The following LINGO2 variants were observed in gnomAD, a reference collection of about 807,000 sequenced individuals.
LINGO2 encodes leucine-rich repeat and immunoglobulin-like domain-containing nogo receptor-interacting protein 2.
A neutral mutation model predicts 30.6 loss-of-function variants in LINGO2; 14 were observed. The ratio of observed to expected loss-of-function variants is 0.46; its 90% CI spans 0.30 to 0.72. LINGO2 has a LOEUF of 0.72. LINGO2 is among the 30% of genes least tolerant of loss of function. The pLI is 0.07. For synonymous variants in LINGO2, 317 were observed against 288.5 expected (o/e 1.10, Z -1.00); for missense variants, 729 against 751.7 (o/e 0.97, Z 0.35).
chr9:28,776,946 A>G, the LINGO2 span, among the ~76,000 whole-genome samples: 1 of 151,396 alleles, frequency 6.6e-6, no homozygotes, highest in Non-Finnish European at 1.5e-5. Flanking sequence ...GGAGGTGATG[A>G]TTTCCCCTTG....
At chr9:28,980,545 G>A in the LINGO2 span, among the ~76,000 whole-genome samples, 7 of 151,926 alleles carry the variant, frequency 4.6e-5, no homozygotes, top group Admixed American at 1.3e-4. Context: ...CTCCATTTCA[G>A]CCACATCAGT....
At chr9:28,023,170 G>C (rs1220937570) in intron 4 of LINGO2, among the ~76,000 whole-genome samples, 1 of 152,038 alleles carries the variant, frequency 6.6e-6, no homozygotes, top group African/African-American at 2.4e-5. Context: ...GTCTGATTCT[G>C]ATGTTTGCAT....
At chr9:28,090,715 G>A (rs1826054575) in intron 4 of LINGO2, among the ~76,000 whole-genome samples, 1 of 152,018 alleles carries the variant, frequency 6.6e-6, no homozygotes, top group Non-Finnish European at 1.5e-5. Context: ...TTCTGGCCAG[G>A]GCAATTAGGG....
Position 28,329,835 on chromosome 9 carries a change from T to C in LINGO2, c.-245-34469A>G, listed in dbSNP as rs1825358260. 6.6e-6 allele frequency among the ~76,000 whole-genome samples: 1 copy of C among 152,210 alleles called. No homozygotes were observed. The highest frequency in any genetic ancestry group is 2.4e-5 in the African/African-American group (1 of 41,454). ...GGTTTTATATCACCTTGTGCATATC[T>C]CTATGAAAGCACCTCACCTGTGTAT... On this transcript the variant is annotated intron_variant, in intron 3 of 5. Coordinates refer to ENST00000379992, the Ensembl canonical transcript of LINGO2. This position sits in a 1 kb window ranked among gnomAD's most constrained non-coding sequence, Gnocchi z 4.5.
the LINGO2 span, among the ~76,000 whole-genome samples, chr9:28,682,332 G>T: frequency 0.051 from 7,793 of 152,176 alleles, 385 homozygotes; most frequent in Admixed American, 0.17. Context: ...GCATTCACTG[G>T]ACTGTGCCTG....
chr9:28,515,688 T>G (rs1164107731), intron 1 of LINGO2, among the ~76,000 whole-genome samples: 1 of 152,190 alleles, frequency 6.6e-6, no homozygotes, highest in African/African-American at 2.4e-5. Context: ...AGTGGTTTCT[T>G]TTTATGAAGT....
the LINGO2 span, among the ~76,000 whole-genome samples, chr9:28,957,324 T>C: frequency 5.8e-4 from 88 of 152,190 alleles, no homozygotes; most frequent in African/African-American, 2.0e-3. Context: ...CAATTCCCCA[T>C]GCAATGCAAT....
chr9:28,858,364 G>T, the LINGO2 span, among the ~76,000 whole-genome samples: 7 of 151,920 alleles, frequency 4.6e-5, no homozygotes, highest in Non-Finnish European at 8.8e-5. Context: ...CCATCACCCT[G>T]GAAGATTTTA....
the LINGO2 span, among the ~76,000 whole-genome samples, chr9:28,981,172 A>G: frequency 6.6e-6 from 1 of 152,050 alleles, no homozygotes; most frequent in Non-Finnish European, 1.5e-5. Context: ...GTGCTTTCAT[A>G]TGCATTGTTC....
At chr9:28,377,483 G>A (rs1354158708) in intron 2 of LINGO2, among the ~76,000 whole-genome samples, 1 of 152,132 alleles carries the variant, frequency 6.6e-6, no homozygotes, top group East Asian at 1.9e-4. Flanking sequence ...CCAGACAGCA[G>A]TAGGCTATTC....
At chr9:28,002,912 T>C (rs945708739) in intron 5 of LINGO2, among the ~76,000 whole-genome samples, 3 of 152,190 alleles carry the variant, frequency 2.0e-5, no homozygotes, top group Non-Finnish European at 1.5e-5. Context: ...CGTGTCAGTG[T>C]ATGTGTGAGT....
chr9:28,492,735 A>G (rs1289375659), intron 1 of LINGO2, among the ~76,000 whole-genome samples: 1 of 152,128 alleles, frequency 6.6e-6, no homozygotes, highest in Non-Finnish European at 1.5e-5. Flanking sequence ...AGGGACTACT[A>G]AACACTGCCA....
intron 4 of LINGO2, among the ~76,000 whole-genome samples, chr9:28,282,231 T>A (rs983745526): frequency 6.6e-6 from 1 of 152,098 alleles, no homozygotes; most frequent in Non-Finnish European, 1.5e-5. Context: ...TTGACTAGAA[T>A]GAGTTATGGG....
chr9:28,165,720 G>A (rs909757815), intron 4 of LINGO2, among the ~76,000 whole-genome samples: 6 of 151,980 alleles, frequency 3.9e-5, no homozygotes, highest in South Asian at 2.1e-4. Flanking sequence ...GCTTCCTTCC[G>A]CTCAATTATT....
the LINGO2 span, among the ~76,000 whole-genome samples, chr9:29,116,803 C>T: frequency 6.6e-6 from 1 of 152,256 alleles, no homozygotes; most frequent in East Asian, 1.9e-4. Flanking sequence ...CGTTAAGTGG[C>T]TGTCATTATT....
At chr9:28,063,589 A>G (rs1825221253) in intron 4 of LINGO2, among the ~76,000 whole-genome samples, 1 of 152,078 alleles carries the variant, frequency 6.6e-6, no homozygotes, top group South Asian at 2.1e-4. Context: ...AGTAAAGTAA[A>G]TATTCCCAAA....
At chr9:28,783,806 A>C in the LINGO2 span, among the ~76,000 whole-genome samples, 1 of 152,206 alleles carries the variant, frequency 6.6e-6, no homozygotes, top group Non-Finnish European at 1.5e-5. Context: ...GTAGAAATTT[A>C]TTTCTCAGAG....
rs144050850 is a variant in LINGO2, at chr9:28,120,577, G to T, written c.-86-108172C>A. 2.6e-5 allele frequency among the ~76,000 whole-genome samples: 4 copies of T among 152,220 alleles called. No homozygotes were observed. In the East Asian group the frequency reaches 7.7e-4, roughly 29 times the overall value. ...AATTTTAGTAGGTCTACAAATACCC[G>T]CCTCCCTTTCTTCACCCCACTGCTT... On this transcript the variant is annotated intron_variant, in intron 4 of 5. Coordinates refer to ENST00000379992, the Ensembl canonical transcript of LINGO2.
At chr9:28,365,830 T>A (rs892839172) in intron 3 of LINGO2, among the ~76,000 whole-genome samples, 1 of 151,330 alleles carries the variant, frequency 6.6e-6, no homozygotes, top group Non-Finnish European at 1.5e-5. Context: ...TGAATCCACT[T>A]TGAGACTACT....
Sources: gnomAD v4.1 joint callset for allele counts (sites outside exome capture counted in the v4.1 genomes callset) on GRCh38, gnomAD v4.1.1 for gene constraint, Gnocchi (gnomAD v3.1) non-coding constraint, MANE v1.5 for transcripts, NCBI Gene and HGNC (gene_info 2026-07-23, HGNC 2026-07-21) for gene names.